Variants in RELN observed in about 807,000 individuals in gnomAD.
RELN encodes reelin.
RELN carries 108 observed loss-of-function variants against 427.6 expected under a neutral mutation model. That is an observed-to-expected ratio of 0.25 (90% CI 0.22 to 0.30). RELN has a LOEUF of 0.30. Among genes scored for constraint, RELN ranks in the 10% least tolerant of loss-of-function variants. The probability of loss-of-function intolerance (pLI) is 1.00; values close to 1 mark genes in which losing one functional copy is unlikely to be tolerated. For missense variants in RELN, 3,715 were observed against 4,302.8 expected (o/e 0.86, Z 3.82); for synonymous variants, 1,524 against 1,513.4 (o/e 1.01, Z -0.16).
chr7:103,631,845 G>A (rs915817558), intron 19 of RELN, among the ~76,000 whole-genome samples: 2 of 151,812 alleles, frequency 1.3e-5, no homozygotes, highest in African/African-American at 4.8e-5. Flanking sequence ...TAACAATGAA[G>A]ATATCAGTCA....
At chr7:103,658,422 C>T (rs1833068409) in intron 12 of RELN, among the ~76,000 whole-genome samples, 1 of 152,200 alleles carries the variant, frequency 6.6e-6, no homozygotes, top group South Asian at 2.1e-4. Flanking sequence ...CTTTATCTCC[C>T]ATCAGCCAAG....
intron 1 of RELN, among the ~76,000 whole-genome samples, chr7:103,931,229 T>G (rs1401199837): frequency 1.3e-5 from 2 of 152,202 alleles, no homozygotes; most frequent in East Asian, 3.9e-4. Flanking sequence ...CACCTCTACG[T>G]GTCCAATATG....
intron 2 of RELN, among the ~76,000 whole-genome samples, chr7:103,894,825 C>G (rs1266994163): frequency 6.6e-6 from 1 of 152,072 alleles, no homozygotes; most frequent in Non-Finnish European, 1.5e-5. Context: ...GATAAGCAAC[C>G]AGCAGTTGGT....
chr7:103,746,390 T>A (rs927535650), intron 6 of RELN, among the ~76,000 whole-genome samples: 23 of 152,014 alleles, frequency 1.5e-4, no homozygotes, highest in African/African-American at 5.3e-4. Context: ...CCAAAAGCAA[T>A]GGCAACAAAA....
chr7:103,704,995 C>T (rs1159048038), intron 8 of RELN, among the ~76,000 whole-genome samples: 1 of 152,206 alleles, frequency 6.6e-6, no homozygotes, highest in African/African-American at 2.4e-5. Context: ...CTGGGATGTT[C>T]TCTTCTCTTC....
chr7:103,764,701 T>C (rs1052736972), intron 4 of RELN, among the ~76,000 whole-genome samples: 1 of 151,490 alleles, frequency 6.6e-6, no homozygotes, highest in Non-Finnish European at 1.5e-5. Context: ...CTGGGCATGG[T>C]GGTGCATGCC....
At chr7:103,698,190 G>T (rs1834018747) in intron 9 of RELN, 97 bp from the exon 10 acceptor site, 2 of 1,407,854 alleles carry the variant, frequency 1.4e-6, no homozygotes, top group Non-Finnish European at 2.0e-6. Flanking sequence ...ATGATCTCAA[G>T]AATGTTATAT....
intron 57 of RELN, among the ~76,000 whole-genome samples, chr7:103,493,706 A>G (rs1223030953): frequency 6.6e-6 from 1 of 152,142 alleles, no homozygotes. Context: ...AAAGAGGTAG[A>G]AGGAGAACGA....
chr7:103,773,988 T>A (rs1479985273), intron 4 of RELN, among the ~76,000 whole-genome samples: 1 of 152,110 alleles, frequency 6.6e-6, no homozygotes, highest in African/African-American at 2.4e-5. Flanking sequence ...AGGTGCTGTA[T>A]AAAGTTTTGC....
In RELN at chr7:103,566,606, T is replaced by C. The variant is rs1266714688; in HGVS notation, c.4742A>G (p.Gln1581Arg). The change falls in exon 32 of 65, where the codon CAA becomes CGA. Residue 1581 changes from glutamine to arginine, a missense_variant. By Grantham distance (43) the Gln-to-Arg change is conservative. This residue lies in a region of RELN where 2,208 missense variants were observed against 2,361.7 expected (regional missense o/e 0.93). Transcript: ENST00000428762. ...TGGAGTGAGCAGTAACTTACCATGT[T>C]GCGGTTGCCACCATCGAAATGCCGT... The part of the protein sequence containing the change: ...PATAFRWWQP[Q>R]HGKHSAQWAL... 3.1e-6 allele frequency: 5 copies of C among 1,614,056 alleles called. No homozygotes were observed. Among genetic ancestry groups the C allele is most frequent in the African/African-American group, 1.3e-5 (1 of 74,942 alleles).
At chr7:103,947,602 T>A (rs574485523) in intron 1 of RELN, among the ~76,000 whole-genome samples, 33 of 152,324 alleles carry the variant, frequency 2.2e-4, no homozygotes, top group African/African-American at 7.9e-4. Context: ...CAGACTTCTA[T>A]CCTCTAGAGC....
intron 3 of RELN, among the ~76,000 whole-genome samples, chr7:103,820,468 A>T (rs777547794): frequency 6.6e-5 from 10 of 152,002 alleles, no homozygotes; most frequent in Non-Finnish European, 1.5e-4. Context: ...ATATGTTTAT[A>T]CTTTTTGAGA....
chr7:103,737,882 T>G (rs2115991300), intron 6 of RELN, among the ~76,000 whole-genome samples: 1 of 152,212 alleles, frequency 6.6e-6, no homozygotes, highest in Admixed American at 6.5e-5. Flanking sequence ...ATTGTGGACC[T>G]TTCTGTATCA....
chr7:103,856,583 AAAAAAGAAAG>A (rs1793951426), intron 2 of RELN, among the ~76,000 whole-genome samples: 1 of 149,966 alleles, frequency 6.7e-6, no homozygotes, highest in South Asian at 2.2e-4. Context: ...AAAAAAAAAA[AAAAAAGAAAG>A]AAAGAAAGAA....
rs1223408608 is a variant in RELN at position 103,472,234 on chromosome 7, T to C, written c.*578A>G. 6.3e-6 allele frequency: 1 copy of C among 159,384 alleles called. No homozygotes were observed. Among genetic ancestry groups the C allele is most frequent in the Non-Finnish European group, 1.4e-5 (1 of 71,862 alleles). 9.9% of individuals were successfully genotyped at this position (159,384 alleles called of 1,614,324 possible). ...TATATTAAAGGAGATACAATATCTT[T>C]ACAACTATCTTCTTGAATAGGTATT... is the stretch of plus-strand genomic sequence containing the variant. On this transcript the variant is annotated 3_prime_UTR_variant, in exon 65 of 65. Coordinates refer to ENST00000428762, the MANE Select transcript of RELN (RefSeq NM_005045.4).
chr7:103,948,859 C>G (rs1018598547), intron 1 of RELN, among the ~76,000 whole-genome samples: 2 of 150,570 alleles, frequency 1.3e-5, no homozygotes, highest in African/African-American at 4.9e-5. Context: ...ACTAAAAATA[C>G]AAAAAATTAG....
chr7:103,922,191 TAA>T (rs1795630256), intron 1 of RELN, among the ~76,000 whole-genome samples: 1 of 152,022 alleles, frequency 6.6e-6, no homozygotes, highest in South Asian at 2.1e-4. Context: ...ACATGAAAAA[TAA>T]GTTTCCTCTG....
intron 3 of RELN, among the ~76,000 whole-genome samples, chr7:103,792,375 A>G (rs1345776147): frequency 1.3e-5 from 2 of 152,206 alleles, no homozygotes; most frequent in East Asian, 1.9e-4. Flanking sequence ...ATACAACGGA[A>G]TATTATTCAA....
intron 4 of RELN, among the ~76,000 whole-genome samples, chr7:103,753,901 T>G (rs1791067520): frequency 6.6e-6 from 1 of 152,216 alleles, no homozygotes; most frequent in Non-Finnish European, 1.5e-5. Context: ...GAATAATACT[T>G]GGACATAGTT....
Sources: gnomAD v4.1 joint callset for allele counts (sites outside exome capture counted in the v4.1 genomes callset) on GRCh38, gnomAD v4.1.1 for gene constraint, gnomAD v4.1.1 regional missense constraint, MANE v1.5 for transcripts, NCBI Gene and HGNC (gene_info 2026-07-23, HGNC 2026-07-21) for gene names.